CNBD1: variants seen among roughly 807,000 people sequenced by gnomAD.
CNBD1 encodes cyclic nucleotide-binding domain-containing protein 1.
Under a neutral mutation model 54.4 loss-of-function variants are expected in CNBD1, and 71 were observed. That is an observed-to-expected ratio of 1.30 (90% CI 1.08 to 1.59). The LOEUF (loss-of-function observed/expected upper bound fraction) is 1.59. Among genes scored for constraint, CNBD1 ranks in the 40% most tolerant of loss-of-function variants. CNBD1 has a pLI of 0.00. For missense variants in CNBD1, 659 were observed against 518.0 expected (o/e 1.27, Z -2.64); for synonymous variants, 182 against 170.7 (o/e 1.07, Z -0.51).
At chr8:87,332,698 T>A (rs1030750813) in intron 8 of CNBD1, among the ~76,000 whole-genome samples, 7 of 152,082 alleles carry the variant, frequency 4.6e-5, no homozygotes, top group African/African-American at 1.7e-4. Context: ...AGATATGTGG[T>A]CTTATTTCTG....
chr8:87,016,624 A>G (rs1809362463), intron 4 of CNBD1, among the ~76,000 whole-genome samples: 1 of 152,236 alleles, frequency 6.6e-6, no homozygotes, highest in East Asian at 1.9e-4. Context: ...TTCTTTAAAA[A>G]AAACTTTAGT....
intron 6 of CNBD1, among the ~76,000 whole-genome samples, chr8:87,244,840 C>T (rs1780976834): frequency 6.6e-6 from 1 of 152,094 alleles, no homozygotes; most frequent in Admixed American, 6.6e-5. Flanking sequence ...CAAAGATGAA[C>T]TGTGAAATGA....
At chr8:87,070,560 G>A (rs1810740391) in intron 4 of CNBD1, among the ~76,000 whole-genome samples, 1 of 152,042 alleles carries the variant, frequency 6.6e-6, no homozygotes. Context: ...ATGACTTTGA[G>A]GGAAATTGTG....
intron 8 of CNBD1, among the ~76,000 whole-genome samples, chr8:87,294,155 G>T (rs1808833072): frequency 6.6e-6 from 1 of 152,116 alleles, no homozygotes; most frequent in Non-Finnish European, 1.5e-5. Context: ...TATTTTGGTA[G>T]TACCAGAGGC....
At chr8:87,222,253 T>C (rs1052528621) in intron 5 of CNBD1, among the ~76,000 whole-genome samples, 1 of 152,158 alleles carries the variant, frequency 6.6e-6, no homozygotes, top group African/African-American at 2.4e-5. Context: ...TTTTATAAAA[T>C]TCTTTGGAGA....
intron 4 of CNBD1, among the ~76,000 whole-genome samples, chr8:87,029,302 A>G (rs1809727529): frequency 6.6e-6 from 1 of 152,194 alleles, no homozygotes; most frequent in Non-Finnish European, 1.5e-5. Flanking sequence ...GAAGCCAAAC[A>G]AGCAAACAAG....
At chr8:86,888,497 G>A (rs1261838619) in intron 2 of CNBD1, among the ~76,000 whole-genome samples, 1 of 152,016 alleles carries the variant, frequency 6.6e-6, no homozygotes, top group Non-Finnish European at 1.5e-5. Context: ...CCCTCTGTGT[G>A]ACTTTAGACT....
intron 2 of CNBD1, among the ~76,000 whole-genome samples, chr8:87,411,505 A>T (rs1027262577): frequency 1.3e-5 from 2 of 148,632 alleles, no homozygotes; most frequent in Admixed American, 1.4e-4. Flanking sequence ...TTGTTGATTC[A>T]TATCCAACCA....
At chr8:87,037,743 T>C (rs1256742857) in intron 4 of CNBD1, among the ~76,000 whole-genome samples, 2 of 152,244 alleles carry the variant, frequency 1.3e-5, no homozygotes, top group Admixed American at 1.3e-4. Context: ...TAACCCTTTA[T>C]GTAACATTTC....
intron 9 of CNBD1, 32 bp from the exon 10 acceptor site, chr8:87,353,604 C>A: frequency 1.4e-6 from 2 of 1,398,438 alleles, no homozygotes; most frequent in South Asian, 1.3e-5. Flanking sequence ...GAAGCAGTTG[C>A]ATTAAACATC....
intron 3 of CNBD1, among the ~76,000 whole-genome samples, chr8:86,915,531 G>A (rs76234535): frequency 0.026 from 3,905 of 152,232 alleles, 68 homozygotes; most frequent in Non-Finnish European, 0.041. Flanking sequence ...AAGTTAGCTC[G>A]GCCCATGCCC....
intron 4 of CNBD1, among the ~76,000 whole-genome samples, chr8:87,111,598 C>A (rs966469587): frequency 6.6e-6 from 1 of 152,108 alleles, no homozygotes; most frequent in Non-Finnish European, 1.5e-5. Context: ...TGAGAACTGG[C>A]TCAGGGTTGA....
chr8:87,383,050 A>T (rs111908317), downstream of CNBD1, among the ~76,000 whole-genome samples: 1 of 152,032 alleles, frequency 6.6e-6, no homozygotes, highest in Non-Finnish European at 1.5e-5. Flanking sequence ...ATTAAAAAAA[A>T]TCTATAAAGC....
intron 8 of CNBD1, among the ~76,000 whole-genome samples, chr8:87,348,335 T>C (rs1347571930): frequency 6.6e-6 from 1 of 152,146 alleles, no homozygotes; most frequent in South Asian, 2.1e-4. Context: ...AGTATTGATG[T>C]TTACATGGTA....
intron 4 of CNBD1, among the ~76,000 whole-genome samples, chr8:87,013,350 G>C (rs1421159789): frequency 6.6e-6 from 1 of 152,110 alleles, no homozygotes; most frequent in African/African-American, 2.4e-5. Context: ...GAGAAAACAA[G>C]TAGAATGACC....
chr8:87,024,659 G>A (rs1283258743), intron 4 of CNBD1, among the ~76,000 whole-genome samples: 1 of 151,886 alleles, frequency 6.6e-6, no homozygotes, highest in Admixed American at 6.6e-5. Context: ...ACTTTTTAGA[G>A]TAAAAAAAAG....
intron 6 of CNBD1, among the ~76,000 whole-genome samples, chr8:87,243,538 A>C (rs1378236327): frequency 6.6e-6 from 1 of 152,186 alleles, no homozygotes. Context: ...TTCATTATCC[A>C]ACATTCTTCA....
rs1808921270 is a variant in CNBD1, at chr8:86,998,258, G to C, written c.431+58504G>C. Among the ~76,000 whole-genome samples, 3 of 151,352 alleles carry C rather than the reference G, an allele frequency of 2.0e-5. No individual in the cohort carries two copies. In the South Asian group the frequency reaches 6.3e-4, roughly 32 times the overall value. On this transcript the variant is annotated intron_variant, in intron 4 of 10. Coordinates refer to ENST00000518476, the MANE Select transcript of CNBD1 (RefSeq NM_173538.3). ...CTGATTTATTAACATTGAACTCACA[G>C]CTGGCAACACCATAATTCATGCCTG...
At chr8:87,428,471 A>T in intron 2 of CNBD1, 1 of 279,954 alleles carries the variant, frequency 3.6e-6, no homozygotes, top group East Asian at 9.6e-5. Flanking sequence ...TGATAAAAAT[A>T]GGATTAGCAA....
Sources: gnomAD v4.1 joint callset for allele counts (sites outside exome capture counted in the v4.1 genomes callset) on GRCh38, gnomAD v4.1.1 for gene constraint, MANE v1.5 for transcripts, NCBI Gene and HGNC (gene_info 2026-07-23, HGNC 2026-07-21) for gene names.